The following ZNF638 variants were observed in gnomAD, a reference collection of about 807,000 sequenced individuals.
ZNF638 encodes CTCL tumor antigen se33-1.
Under a neutral mutation model 195.6 loss-of-function variants are expected in ZNF638, and 46 were observed. That is an observed-to-expected ratio of 0.24 (90% CI 0.19 to 0.30). The LOEUF (loss-of-function observed/expected upper bound fraction) is 0.30, where lower values mean the gene tolerates loss of function less well. Among genes scored for constraint, ZNF638 ranks in the 10% least tolerant of loss-of-function variants. The probability of loss-of-function intolerance (pLI) is 1.00; values close to 1 mark genes in which losing one functional copy is unlikely to be tolerated. For missense variants in ZNF638, 2,440 were observed against 2,325.3 expected (o/e 1.05, Z -1.01); for synonymous variants, 845 against 772.0 (o/e 1.09, Z -1.57).
intron 21 of ZNF638, among the ~76,000 whole-genome samples, chr2:71,422,080 T>C (rs1202738128): frequency 6.6e-6 from 1 of 152,188 alleles, no homozygotes; most frequent in African/African-American, 2.4e-5. Context: ...TTATACATTA[T>C]TCTCTTGAAT....
At position 71,349,055 on chromosome 2, in the gene ZNF638, C is replaced by T; in HGVS notation, c.101C>T (p.Pro34Leu). 6.2e-7 allele frequency: 1 copy of T among 1,614,168 alleles called. No individual in the cohort carries two copies. Residue 34 changes from proline to leucine, a missense_variant, in exon 2 of 28, where the codon CCT becomes CTT. Physicochemically the swap from Pro to Leu is moderately conservative, Grantham distance 98. Coordinates refer to ENST00000264447, the MANE Select transcript of ZNF638 (RefSeq NM_014497.5). ...AGGCCTCCAGGACCATTTATGAGGC[C>T]TGGATCTATGGGTCTCCCAAGATTT... is the stretch of plus-strand genomic sequence containing the variant. ...GMRPPGPFMR[P>L]GSMGLPRFYP...
Position 71,334,932 on chromosome 2 carries a change from A to C in ZNF638, c.-203+3057A>C, listed in dbSNP as rs539297129. 1.8e-3 allele frequency among the ~76,000 whole-genome samples: 280 copies of C among 152,058 alleles called. 1 individual carries two copies. The highest frequency in any genetic ancestry group is 3.0e-3 in the Admixed American group (46 of 15,274). ...CTAGACTCCGTCTCCAAAAAAAAAAACAAAAAAAACTCCGGTGAGGGTTAA... is the reference window on the plus strand; with the variant it reads ...CTAGACTCCGTCTCCAAAAAAAAAACCAAAAAAAACTCCGGTGAGGGTTAA... On this transcript the variant is annotated intron_variant, in intron 1 of 27. Coordinates refer to ENST00000264447, the MANE Select transcript of ZNF638 (RefSeq NM_014497.5).
In ZNF638 at chr2:71,348,987, CT is replaced by C; in HGVS notation, c.36del (p.Pro13HisfsTer13). On this transcript the variant is annotated frameshift_variant, in exon 2 of 28. Coordinates refer to ENST00000264447, the MANE Select transcript of ZNF638 (RefSeq NM_014497.5). LOFTEE classifies it high-confidence loss of function. ...SRPRFNPRGD[F>X]PLQRPRAPNP... is the part of the protein sequence containing the mutation. ...GACCCAGGTTTAATCCTCGAGGAGA[CT>C]TTCCACTTCAAAGGCCACGAGCACC... 1 of 1,614,154 alleles carries C rather than the reference CT, an allele frequency of 6.2e-7. No homozygotes were observed. Among genetic ancestry groups the C allele is most frequent in the Non-Finnish European group, 8.5e-7 (1 of 1,180,030 alleles).
rs1336876443 is a variant in ZNF638, at chr2:71,423,620, A to C, written c.4106A>C (p.Gln1369Pro). 6.2e-7 allele frequency: 1 copy of C among 1,613,988 alleles called. No homozygotes were observed. Among genetic ancestry groups the C allele is most frequent in the Admixed American group, 1.7e-5 (1 of 59,982 alleles). ...GCATACCCAAATAAAGGAGTGGGTCAGGCTAATAAGCCTGATGAAACTAGT... is the reference window on the plus strand; with the variant it reads ...GCATACCCAAATAAAGGAGTGGGTCCGGCTAATAAGCCTGATGAAACTAGT... ...FKAYPNKGVGQANKPDETSKT... is the reference protein window; with the variant it reads ...FKAYPNKGVGPANKPDETSKT... Residue 1369 changes from glutamine to proline, a missense_variant, in exon 22 of 28, where the codon CAG (glutamine) becomes CCG (proline). Physicochemically the swap from Gln to Pro is moderately conservative, Grantham distance 76. Transcript: ENST00000264447.
intron 3 of ZNF638, among the ~76,000 whole-genome samples, chr2:71,359,021 T>C (rs1458982086): frequency 1.3e-5 from 2 of 152,342 alleles, no homozygotes; most frequent in South Asian, 2.1e-4. Flanking sequence ...TAGACTGGCA[T>C]AGTCTAAACA....
chr2:71,395,642 C>A, intron 10 of ZNF638: 6 of 525,946 alleles, frequency 1.1e-5, no homozygotes, highest in Middle Eastern at 5.0e-4. Context: ...GGCTCCAGGC[C>A]TTTGTCATTA....
chr2:71,422,551 A>G, intron 21 of ZNF638, among the ~76,000 whole-genome samples: 1 of 152,192 alleles, frequency 6.6e-6, no homozygotes, highest in East Asian at 1.9e-4. Flanking sequence ...TTGACAGAGG[A>G]GGGAAAATAT....
chr2:71,374,872 T>C (rs1558851973), intron 8 of ZNF638: 3 of 152,196 alleles, frequency 2.0e-5, no homozygotes, highest in Non-Finnish European at 4.4e-5. Flanking sequence ...AGCACTGAGC[T>C]GAGATAGCAC....
intron 9 of ZNF638, 70 bp from the exon 10 acceptor site, chr2:71,380,442 AT>A (rs2079516108): frequency 7.2e-7 from 1 of 1,390,514 alleles, no homozygotes; most frequent in Non-Finnish European, 9.9e-7. Context: ...AGGTTTAAAT[AT>A]TACATTTTTA....
At chr2:71,339,800 C>T (rs1259634855) in intron 1 of ZNF638, among the ~76,000 whole-genome samples, 2 of 152,100 alleles carry the variant, frequency 1.3e-5, no homozygotes, top group South Asian at 2.1e-4. Context: ...TTTCTTTGTT[C>T]CAGCTTGGAT....
intron 6 of ZNF638, among the ~76,000 whole-genome samples, chr2:71,368,054 T>A (rs2079236896): frequency 6.6e-6 from 1 of 152,126 alleles, no homozygotes; most frequent in Admixed American, 6.5e-5. Flanking sequence ...ATAGAAAAAT[T>A]CTCTCTAATG....
At chr2:71,376,595 G>C (rs1204282438) in intron 8 of ZNF638, among the ~76,000 whole-genome samples, 1 of 152,050 alleles carries the variant, frequency 6.6e-6, no homozygotes, top group African/African-American at 2.4e-5. Context: ...TCAAAACCTA[G>C]AAAAAACTTA....
At chr2:71,408,422 GAATA>G in intron 20 of ZNF638, 175 bp downstream of exon 20, 2 of 778,492 alleles carry the variant, frequency 2.6e-6, no homozygotes, top group Non-Finnish European at 3.8e-6. Context: ...GTCTAAATGA[GAATA>G]AAGAAATTTT....
chr2:71,409,600 G>A (rs1387798992), intron 20 of ZNF638, among the ~76,000 whole-genome samples: 1 of 152,040 alleles, frequency 6.6e-6, no homozygotes, highest in Non-Finnish European at 1.5e-5. Flanking sequence ...TCAAAATGGC[G>A]CCACATTTTC....
At chr2:71,380,411 T>C in intron 9 of ZNF638, 102 bp from the exon 10 acceptor site, 1 of 1,170,734 alleles carries the variant, frequency 8.5e-7, no homozygotes, top group Non-Finnish European at 1.2e-6. Flanking sequence ...TCACTCCAGT[T>C]GAATTATTTT....
At chr2:71,389,692 C>T (rs190045662) in intron 10 of ZNF638, among the ~76,000 whole-genome samples, 66 of 152,192 alleles carry the variant, frequency 4.3e-4, no homozygotes, top group African/African-American at 1.4e-3. Context: ...TCCCGAATTC[C>T]GAAAGCGGAA....
chr2:71,361,261 C>T (rs534053035), intron 3 of ZNF638, among the ~76,000 whole-genome samples: 6 of 152,290 alleles, frequency 3.9e-5, no homozygotes, highest in African/African-American at 1.2e-4. Flanking sequence ...CCATTATTAC[C>T]AGCTCTTGAA....
chr2:71,431,945 TG>T (rs2080674597), intron 26 of ZNF638, among the ~76,000 whole-genome samples: 1 of 152,240 alleles, frequency 6.6e-6, no homozygotes, highest in Non-Finnish European at 1.5e-5. Flanking sequence ...TCTTGAAATC[TG>T]GGATGTATCT....
Position 71,423,658 on chromosome 2 carries a change from C to G in ZNF638, c.4144C>G (p.Leu1382Val), listed in dbSNP as rs767204344. ...TGATGAAACTAGTAAAACTAGTATT[C>G]TGGCTGTATCAGATGTATCTAGCAG... ...KPDETSKTSILAVSDVSSSKP... is the reference protein window; with the variant it reads ...KPDETSKTSIVAVSDVSSSKP... Residue 1382 changes from leucine to valine, a missense_variant, in exon 22 of 28, where the codon CTG becomes GTG. Physicochemically the swap from Leu to Val is conservative, Grantham distance 32 (BLOSUM62 1). Transcript: ENST00000264447. 3.7e-6 allele frequency: 6 copies of G among 1,613,758 alleles called. No homozygotes were observed. In the South Asian group the frequency reaches 6.6e-5, roughly 18 times the overall value.
Sources: gnomAD v4.1 joint callset for allele counts (sites outside exome capture counted in the v4.1 genomes callset) on GRCh38, gnomAD v4.1.1 for gene constraint, MANE v1.5 for transcripts, NCBI Gene and HGNC (gene_info 2026-07-23, HGNC 2026-07-21) for gene names.